Variants in DLG2 observed in about 807,000 individuals in gnomAD.
The protein encoded by DLG2 is discs large MAGUK scaffold protein 2.
A neutral mutation model predicts 132.5 loss-of-function variants in DLG2; 45 were observed. That is an observed-to-expected ratio of 0.34 (90% confidence interval 0.27 to 0.44). The LOEUF is 0.44. Ranked by LOEUF, DLG2 falls within the 20% of genes least tolerant of loss-of-function variation. The pLI is 1.00. For missense variants in DLG2, 1,045 were observed against 1,196.9 expected, an observed-to-expected ratio of 0.87 and a Z score of 1.87; for synonymous variants, 424 against 419.6, an observed-to-expected ratio of 1.01 and a Z score of -0.13.
chr11:85,174,799 T>C (rs1052705435), intron 4 of DLG2, among the ~76,000 whole-genome samples: 11 of 152,078 alleles, frequency 7.2e-5, no homozygotes, highest in South Asian at 4.1e-4. Context: ...GCTGACCCCA[T>C]AGAAATACAA....
At chr11:84,515,895 A>G (rs1007328761) in intron 7 of DLG2, among the ~76,000 whole-genome samples, 1 of 152,038 alleles carries the variant, frequency 6.6e-6, no homozygotes, top group Admixed American at 6.6e-5. Context: ...GTCTTTTCCA[A>G]CAACAATGGA....
chr11:85,471,573 C>T (rs548409168), intron 3 of DLG2, among the ~76,000 whole-genome samples: 1 of 152,222 alleles, frequency 6.6e-6, no homozygotes, highest in Admixed American at 6.5e-5. Context: ...AATTAATAGA[C>T]TCAATGGCTT....
intron 6 of DLG2, among the ~76,000 whole-genome samples, chr11:84,738,464 T>C (rs12292437): frequency 0.018 from 2,751 of 152,252 alleles, 58 homozygotes; most frequent in African/African-American, 0.042. Context: ...ATTTGCTACC[T>C]TCTTGATTTC....
chr11:83,614,586 G>C (rs2060537236), intron 19 of DLG2, among the ~76,000 whole-genome samples: 1 of 152,048 alleles, frequency 6.6e-6, no homozygotes, highest in Non-Finnish European at 1.5e-5. Context: ...AAGCCTGGTG[G>C]TGCATACCTG....
intron 6 of DLG2, among the ~76,000 whole-genome samples, chr11:84,939,387 A>T (rs10792793): frequency 0.71 from 108,709 of 152,090 alleles, 39,927 homozygotes; most frequent in East Asian, 0.95. Context: ...GGATTTATCA[A>T]TTCTTTGTGT....
At chr11:83,993,195 A>G (rs2093820188) in intron 11 of DLG2, among the ~76,000 whole-genome samples, 1 of 152,190 alleles carries the variant, frequency 6.6e-6, no homozygotes, top group Admixed American at 6.6e-5. Context: ...GTTGCACAAA[A>G]TAGACTATGT....
At chr11:85,054,131 G>C (rs558712426) in intron 6 of DLG2, among the ~76,000 whole-genome samples, 1 of 151,948 alleles carries the variant, frequency 6.6e-6, no homozygotes, top group Admixed American at 6.5e-5. Flanking sequence ...TGGGTGTGCT[G>C]GTGCATGCCT....
At chr11:84,370,378 T>C (rs962028170) in intron 7 of DLG2, among the ~76,000 whole-genome samples, 5 of 152,192 alleles carry the variant, frequency 3.3e-5, no homozygotes, top group South Asian at 2.1e-4. Context: ...AGGAATCTCC[T>C]AGTTTTCCCC....
intron 7 of DLG2, among the ~76,000 whole-genome samples, chr11:84,340,162 T>C (rs949122166): frequency 2.6e-5 from 4 of 152,158 alleles, no homozygotes; most frequent in Admixed American, 1.3e-4. Context: ...GAAGGCAATA[T>C]TGAAGAATGC....
intron 14 of DLG2, among the ~76,000 whole-genome samples, chr11:83,953,352 A>C (rs2154149190): frequency 6.6e-6 from 1 of 152,314 alleles, no homozygotes; most frequent in Middle Eastern, 3.4e-3. Flanking sequence ...CCTTCCTGTC[A>C]GATCAGCCCC....
rs1273251521 is a variant in DLG2, at chr11:83,472,702, A to T, written c.2344+25T>A. ...CACCTCTTATGGCCCAGAAATTAGGAATGAAAGCGTGCTGGGAAACTTACT... is the reference window on the plus strand; with the variant it reads ...CACCTCTTATGGCCCAGAAATTAGGTATGAAAGCGTGCTGGGAAACTTACT... On this transcript the variant is annotated intron_variant, in intron 23 of 27. Transcript: ENST00000376104. The T allele has an allele frequency of 1.9e-6, 3 of 1,607,466 alleles. No individual in the cohort carries two copies. The Admixed American group carries it at 5.1e-5, about 27-fold the overall frequency.
At chr11:85,238,847 T>TA (rs1270769565) in intron 4 of DLG2, among the ~76,000 whole-genome samples, 2 of 151,878 alleles carry the variant, frequency 1.3e-5, no homozygotes, top group Non-Finnish European at 2.9e-5. Flanking sequence ...TTTTTTTTTT[T>TA]AACAATCATC....
intron 6 of DLG2, among the ~76,000 whole-genome samples, chr11:84,558,576 T>C (rs2099416603): frequency 6.6e-6 from 1 of 152,178 alleles, no homozygotes; most frequent in Non-Finnish European, 1.5e-5. Flanking sequence ...AATCCTGCCA[T>C]CCAAGACCCT....
intron 6 of DLG2, among the ~76,000 whole-genome samples, chr11:85,092,863 G>C (rs747625136): frequency 1.3e-5 from 2 of 152,052 alleles, no homozygotes; most frequent in Non-Finnish European, 2.9e-5. Flanking sequence ...GGATGGTCTT[G>C]ATCTCCTGAC....
At chr11:84,368,115 T>A (rs1393356141) in intron 7 of DLG2, among the ~76,000 whole-genome samples, 1 of 152,174 alleles carries the variant, frequency 6.6e-6, no homozygotes, top group East Asian at 1.9e-4. Context: ...ATGCAGCCAG[T>A]GACTTTGAAA....
intron 11 of DLG2, among the ~76,000 whole-genome samples, chr11:84,020,076 G>A (rs953297903): frequency 6.6e-6 from 1 of 152,048 alleles, no homozygotes; most frequent in African/African-American, 2.4e-5. Flanking sequence ...ACTAGAGGTG[G>A]CCAGGAGACA....
At chr11:84,474,577 A>C (rs1159190130) in intron 7 of DLG2, among the ~76,000 whole-genome samples, 1 of 152,060 alleles carries the variant, frequency 6.6e-6, no homozygotes, top group Non-Finnish European at 1.5e-5. Context: ...GTGAGATAGG[A>C]TTCCCATTCT....
intron 16 of DLG2, among the ~76,000 whole-genome samples, chr11:83,840,303 G>A (rs1402458644): frequency 6.6e-6 from 1 of 152,138 alleles, no homozygotes; most frequent in African/African-American, 2.4e-5. Flanking sequence ...CATTTCCCCA[G>A]TAATAGTAAG....
At chr11:85,179,693 T>C (rs1447231287) in intron 4 of DLG2, among the ~76,000 whole-genome samples, 1 of 151,784 alleles carries the variant, frequency 6.6e-6, no homozygotes, top group Non-Finnish European at 1.5e-5. Flanking sequence ...GGATGGTCAA[T>C]GAACAATGTC....
Sources: allele counts gnomAD v4.1 joint callset (sites outside exome capture counted in the v4.1 genomes callset), GRCh38; gene constraint gnomAD v4.1.1; transcripts MANE v1.5; gene names NCBI Gene and HGNC (gene_info 2026-07-23, HGNC 2026-07-21).